Variants in PIP5K1C observed in about 807,000 individuals in gnomAD.
PIP5K1C encodes phosphatidylinositol 4-phosphate 5-kinase type-1 gamma.
Under a neutral mutation model 80.1 loss-of-function variants are expected in PIP5K1C, and 45 were observed. The ratio of observed to expected loss-of-function variants is 0.56; its 90% CI spans 0.44 to 0.72. The LOEUF (loss-of-function observed/expected upper bound fraction) is 0.72, where lower values mean the gene tolerates loss of function less well. Ranked by LOEUF, PIP5K1C falls within the 30% of genes least tolerant of loss-of-function variation. The pLI, the probability that PIP5K1C is intolerant of heterozygous loss-of-function variation, is 0.00. For synonymous variants in PIP5K1C, 498 were observed against 420.1 expected (o/e 1.19, Z -2.27); for missense variants, 753 against 954.6 (o/e 0.79, Z 2.78).
intron 1 of PIP5K1C, among the ~76,000 whole-genome samples, chr19:3,677,284 AAG>A (rs2035389861): frequency 6.6e-6 from 1 of 151,914 alleles, no homozygotes; most frequent in South Asian, 2.1e-4. Flanking sequence ...TGAAAAGAAA[AAG>A]AGAAAGTTTT....
intron 1 of PIP5K1C, among the ~76,000 whole-genome samples, chr19:3,687,531 GCA>G (rs747932761): frequency 1.3e-4 from 14 of 109,406 alleles, no homozygotes; most frequent in African/African-American, 1.2e-4. Context: ...ACATGCACAC[GCA>G]CACACATACA....
At position 3,648,557 on chromosome 19, in the gene PIP5K1C, C is replaced by T. The variant is rs1260233449; in HGVS notation, c.1211+68G>A. On this transcript the variant is annotated intron_variant, in intron 9 of 17. Coordinates refer to ENST00000335312, the MANE Select transcript of PIP5K1C (RefSeq NM_012398.3). The surrounding 1 kb of genome is among the most constrained non-coding windows in gnomAD (Gnocchi z 4.3). Reference sequence around the variant, plus strand: ...GCGCCCACCTGTGGGGCTGCAGACCCGGGCGCCCACCTGTGGGACTGCAGA... The same window carrying T: ...GCGCCCACCTGTGGGGCTGCAGACCTGGGCGCCCACCTGTGGGACTGCAGA... The T allele has an allele frequency of 5.4e-6, 6 of 1,120,990 alleles. No individual in the cohort carries two copies. The highest frequency in any genetic ancestry group is 3.4e-5 in the East Asian group (1 of 29,442). The allele number at this position is 1,120,990 out of a possible 1,614,324, so 69.4% of individuals were successfully genotyped here.
rs1324539728 is a variant in PIP5K1C, at chr19:3,688,848, A to G, written c.94+11449T>C. Among the ~76,000 whole-genome samples the G allele has an allele frequency of 1.3e-5, 2 of 151,274 alleles. No individual in the cohort carries two copies. Among genetic ancestry groups the G allele is most frequent in the East Asian group, 4.0e-4 (2 of 5,046 alleles). Reference sequence around the variant, plus strand: ...GCCATGGCCCCCCACCCCGTTTTTGAGCCCCCACACAGCCGAATACATGCC... The same window carrying G: ...GCCATGGCCCCCCACCCCGTTTTTGGGCCCCCACACAGCCGAATACATGCC... On this transcript the variant is annotated intron_variant, in intron 1 of 17. Coordinates refer to ENST00000335312, the MANE Select transcript of PIP5K1C (RefSeq NM_012398.3). This position sits in a 1 kb window ranked among gnomAD's most constrained non-coding sequence, Gnocchi z 5.3.
At chr19:3,680,613 A>G (rs1370202577) in intron 1 of PIP5K1C, among the ~76,000 whole-genome samples, 2 of 152,214 alleles carry the variant, frequency 1.3e-5, no homozygotes, top group Non-Finnish European at 2.9e-5. Flanking sequence ...GTCTAAATAC[A>G]ATGTCTAATA....
chr19:3,656,191 G>A (rs892428701), intron 6 of PIP5K1C, among the ~76,000 whole-genome samples: 3 of 152,202 alleles, frequency 2.0e-5, no homozygotes, highest in African/African-American at 4.8e-5. Context: ...CCCCCAAGGC[G>A]TGTGGCCACA....
rs2034122083 is a variant in PIP5K1C at position 3,644,380 on chromosome 19, G to C, written c.1346-129C>G. 10 of 906,226 alleles carry C rather than the reference G, an allele frequency of 1.1e-5. No individual in the cohort carries two copies. The South Asian group carries it at 1.6e-4, about 14-fold the overall frequency. 56.1% of individuals were successfully genotyped at this position (906,226 alleles called of 1,614,324 possible). A position where few individuals can be genotyped will look rare whatever the true frequency, so the allele number is the denominator to read the frequency against. ...AGACCCCTACCGGTCCCTGAGGCCAGGAAGCACCACAACCTCTTGGTGGAA... is the reference window on the plus strand; with the variant it reads ...AGACCCCTACCGGTCCCTGAGGCCACGAAGCACCACAACCTCTTGGTGGAA... On this transcript the variant is annotated intron_variant, in intron 11 of 17. Transcript: ENST00000335312.
chr19:3,648,020 TTTC>T lies in PIP5K1C; in HGVS notation c.1211+602_1211+604del, dbSNP rs2034301568. ...GAGGCCTCAAACCCACTCCTTGGAT[TTTC>T]TTTTTTCTTTTTTTTTGGGACAGGG... On this transcript the variant is annotated intron_variant, in intron 9 of 17. Coordinates refer to ENST00000335312, the MANE Select transcript of PIP5K1C (RefSeq NM_012398.3). The surrounding 1 kb of genome is among the most constrained non-coding windows in gnomAD (Gnocchi z 4.3). Among the ~76,000 whole-genome samples the T allele has an allele frequency of 4.6e-5, 3 of 64,544 alleles. No individual in the cohort carries two copies. Among genetic ancestry groups the T allele is most frequent in the Admixed American group, 1.3e-4 (1 of 7,684 alleles). The allele number at this position is 64,544 out of a possible 152,430, so 42.3% of individuals were successfully genotyped here. A position where few individuals can be genotyped will look rare whatever the true frequency, so the allele number is the denominator to read the frequency against.
chr19:3,677,139 GAAGT>G (rs2035385310), intron 1 of PIP5K1C, among the ~76,000 whole-genome samples: 1 of 151,968 alleles, frequency 6.6e-6, no homozygotes, highest in Non-Finnish European at 1.5e-5. Context: ...TAAAATGAAA[GAAGT>G]ATAAAGCAAA....
In PIP5K1C at chr19:3,641,731, A is replaced by C. The variant is rs1408929183; in HGVS notation, c.1761T>G (p.Ile587Met). 1 of 1,610,080 alleles carries C rather than the reference A, an allele frequency of 6.2e-7. No individual in the cohort carries two copies. The highest frequency in any genetic ancestry group is 8.5e-7 in the Non-Finnish European group (1 of 1,179,926). ...CTGCGTCCTCCTCTTTGGGGACCACAATCTCCACGCTGCACGCAGGCTCCA... is the reference window on the plus strand; with the variant it reads ...CTGCGTCCTCCTCTTTGGGGACCACCATCTCCACGCTGCACGCAGGCTCCA... ...VQVEPACSVE[I>M]VVPKEEDAGV... is the part of the protein sequence containing the mutation. Residue 587 changes from isoleucine to methionine, a missense_variant, in exon 15 of 18, where the codon ATT (isoleucine) becomes ATG (methionine). Coordinates refer to ENST00000335312, the MANE Select transcript of PIP5K1C (RefSeq NM_012398.3).
In PIP5K1C at chr19:3,637,479, C is replaced by T. The variant is rs748763353; in HGVS notation, c.1920+1405G>A. On this transcript the variant is annotated intron_variant, in intron 16 of 17. Transcript: ENST00000335312. The surrounding 1 kb of genome is among the most constrained non-coding windows in gnomAD (Gnocchi z 7.0). ...CTTCCGGCCGGGGACCTGCGGCTCC[C>T]TGCTGCCCGAGGGGCACTGCCCCTT... The T allele has an allele frequency of 6.5e-7, 1 of 1,535,710 alleles. No individual in the cohort carries two copies. Among genetic ancestry groups the T allele is most frequent in the Non-Finnish European group, 8.7e-7 (1 of 1,146,794 alleles).
chr19:3,672,128 C>T (rs889690742), intron 1 of PIP5K1C, among the ~76,000 whole-genome samples: 17 of 152,218 alleles, frequency 1.1e-4, no homozygotes, highest in African/African-American at 3.6e-4. Context: ...TCATCGGCCA[C>T]CCCACCTCCC....
chr19:3,642,652 T>G (rs1439301410), intron 14 of PIP5K1C, among the ~76,000 whole-genome samples: 1 of 152,028 alleles, frequency 6.6e-6, no homozygotes. Context: ...GTATCTTGTT[T>G]TAAGTTAAAA....
At position 3,643,305 on chromosome 19, in the gene PIP5K1C, T is replaced by G; in HGVS notation, c.1587A>C (p.Ser529=). 4 of 1,613,966 alleles carry G rather than the reference T, an allele frequency of 2.5e-6. No homozygotes were observed. Among genetic ancestry groups the G allele is most frequent in the Middle Eastern group, 1.7e-4 (1 of 6,060 alleles). The change falls in exon 13 of 18, where the codon TCA becomes TCC. Residue 529 remains serine (S), a synonymous_variant. Coordinates refer to ENST00000335312, the MANE Select transcript of PIP5K1C (RefSeq NM_012398.3). ...ATTASIATTL[S]STSLSIPERS... ...GCTCAGGAATGGAGAGGGATGTGGATGACAGAGTCGTGGCAATGGAGGCTG... is the reference window on the plus strand; with the variant it reads ...GCTCAGGAATGGAGAGGGATGTGGAGGACAGAGTCGTGGCAATGGAGGCTG...
chr19:3,651,831 A>T lies in PIP5K1C; in HGVS notation c.1122T>A (p.Asp374Glu). The change falls in exon 8 of 18, where the codon GAT becomes GAA. Residue 374 changes from aspartate (D) to glutamate (E), a missense_variant. Coordinates refer to ENST00000335312, the MANE Select transcript of PIP5K1C (RefSeq NM_012398.3). ...GAARGEAIES[D>E]DTMGGIPAVN... ...GCGGCCCCCCGCCCACCTACGTGTCATCCGATTCGATGGCCTCCCCGCGCG... is the reference window on the plus strand; with the variant it reads ...GCGGCCCCCCGCCCACCTACGTGTCTTCCGATTCGATGGCCTCCCCGCGCG... The T allele has an allele frequency of 1.2e-6, 2 of 1,611,460 alleles. No individual in the cohort carries two copies. Among genetic ancestry groups the T allele is most frequent in the Non-Finnish European group, 1.7e-6 (2 of 1,179,698 alleles).
At chr19:3,639,577 G>A (rs374106610) in intron 15 of PIP5K1C, among the ~76,000 whole-genome samples, 8 of 152,034 alleles carry the variant, frequency 5.3e-5, no homozygotes, top group African/African-American at 1.9e-4. Context: ...GACTATAGGT[G>A]TGCACTGCTA....
At chr19:3,643,042 C>T in intron 13 of PIP5K1C, 103 bp from the exon 14 acceptor site, 1 of 1,493,506 alleles carries the variant, frequency 6.7e-7, no homozygotes, top group Non-Finnish European at 9.3e-7. Context: ...CCTGGCAGCC[C>T]TGCCCACCTG....
rs2034513924 is a variant in PIP5K1C at position 3,653,276 on chromosome 19, G to A, written c.921+14C>T. 2.5e-6 allele frequency: 4 copies of A among 1,602,056 alleles called. No homozygotes were observed. The highest frequency in any genetic ancestry group is 1.3e-5 in the African/African-American group (1 of 74,920). On this transcript the variant is annotated intron_variant, in intron 7 of 17. Transcript: ENST00000335312. ...CCTGCCACCCTCCCTCCCCGGCCGG[G>A]GCCGAGCCCTCACCAGGCAGTCCCG... is the stretch of plus-strand genomic sequence containing the variant.
In PIP5K1C at chr19:3,637,814, T is replaced by G. The variant is rs1002740538; in HGVS notation, c.1920+1070A>C. 3.3e-6 allele frequency: 5 copies of G among 1,534,854 alleles called. No homozygotes were observed. The African/African-American group carries it at 4.1e-5, about 13-fold the overall frequency. ...CCTTCTCCCTTCTCTGCTGCCCACC[T>G]GGCAGGGCATCAGGACACAGACACA... On this transcript the variant is annotated intron_variant, in intron 16 of 17. Coordinates refer to ENST00000335312, the MANE Select transcript of PIP5K1C (RefSeq NM_012398.3). This position sits in a 1 kb window ranked among gnomAD's most constrained non-coding sequence, Gnocchi z 7.0.
chr19:3,646,449 C>A (rs1166101284), intron 10 of PIP5K1C, among the ~76,000 whole-genome samples: 2 of 152,190 alleles, frequency 1.3e-5, no homozygotes, highest in African/African-American at 4.8e-5. Context: ...CCTCCTTTCC[C>A]AGCCTCCTTG....
Sources: allele counts gnomAD v4.1 joint callset (sites outside exome capture counted in the v4.1 genomes callset), GRCh38; gene constraint gnomAD v4.1.1; non-coding constraint Gnocchi (gnomAD v3.1); transcripts MANE v1.5; gene names NCBI Gene and HGNC (gene_info 2026-07-23, HGNC 2026-07-21).